FHIT: variants seen among roughly 807,000 people sequenced by gnomAD.
The protein encoded by FHIT is fragile histidine triad diadenosine triphosphatase.
A neutral mutation model predicts 17.9 loss-of-function variants in FHIT; 19 were observed. The ratio of observed to expected loss-of-function variants is 1.06; its 90% confidence interval spans 0.74 to 1.56. The LOEUF is 1.56. FHIT is among the 40% of genes most tolerant of loss of function. The probability of loss-of-function intolerance (pLI) is 0.00; values close to 1 mark genes in which losing one functional copy is unlikely to be tolerated. For synonymous variants in FHIT, 81 were observed against 69.7 expected (o/e 1.16, Z -0.81); for missense variants, 248 against 189.2 (o/e 1.31, Z -1.82).
At chr3:60,114,606 G>T (rs1466404932) in intron 5 of FHIT, among the ~76,000 whole-genome samples, 1 of 140,056 alleles carries the variant, frequency 7.1e-6, no homozygotes, top group Non-Finnish European at 1.5e-5. Flanking sequence ...TCATCCTCCC[G>T]CCTCAGCCTC....
chr3:60,653,275 A>G (rs1224952917), intron 4 of FHIT, among the ~76,000 whole-genome samples: 1 of 152,212 alleles, frequency 6.6e-6, no homozygotes, highest in Non-Finnish European at 1.5e-5. Flanking sequence ...TTTGGTAACT[A>G]CAAAACAAAA....
intron 5 of FHIT, among the ~76,000 whole-genome samples, chr3:60,485,357 T>C (rs2033792353): frequency 6.6e-6 from 1 of 152,202 alleles, no homozygotes. Context: ...TGCACACTTA[T>C]GTTTAGTGCA....
intron 5 of FHIT, among the ~76,000 whole-genome samples, chr3:60,136,952 T>A (rs377693266): frequency 6.6e-6 from 1 of 152,214 alleles, no homozygotes; most frequent in East Asian, 1.9e-4. Flanking sequence ...ATCTCCTTGG[T>A]TTAATATTTC....
intron 3 of FHIT, among the ~76,000 whole-genome samples, chr3:60,966,976 T>C (rs1246976511): frequency 6.6e-6 from 1 of 152,234 alleles, no homozygotes; most frequent in Non-Finnish European, 1.5e-5. Context: ...TCAAAAACTG[T>C]CATGGTTCTT....
intron 4 of FHIT, among the ~76,000 whole-genome samples, chr3:60,789,481 G>A (rs4974229): frequency 0.12 from 18,368 of 152,128 alleles, 1,529 homozygotes; most frequent in African/African-American, 0.23. Flanking sequence ...TTGTGCCACT[G>A]CACTCCAGCC....
chr3:60,781,651 A>G (rs532540328), intron 4 of FHIT, among the ~76,000 whole-genome samples: 3 of 152,220 alleles, frequency 2.0e-5, no homozygotes, highest in Admixed American at 2.0e-4. Context: ...AGCTCTCTCT[A>G]CTTTGCTAAG....
chr3:60,852,596 C>G (rs1703195946), intron 3 of FHIT, among the ~76,000 whole-genome samples: 1 of 152,058 alleles, frequency 6.6e-6, no homozygotes, highest in Non-Finnish European at 1.5e-5. Flanking sequence ...GTCATTCCAT[C>G]ACTCGCTCTA....
At chr3:61,081,805 A>G (rs1428000278) in intron 2 of FHIT, among the ~76,000 whole-genome samples, 2 of 152,228 alleles carry the variant, frequency 1.3e-5, no homozygotes, top group Non-Finnish European at 2.9e-5. Flanking sequence ...TTTCCAAATA[A>G]GGTCACATTC....
intron 8 of FHIT, among the ~76,000 whole-genome samples, chr3:59,760,130 G>GACTT (rs1477811290): frequency 3.3e-5 from 5 of 152,112 alleles, no homozygotes; most frequent in Non-Finnish European, 5.9e-5. Flanking sequence ...CCAAAGCTTT[G>GACTT]ACTTAAGCAT....
At chr3:60,382,626 C>T (rs938917377) in intron 5 of FHIT, among the ~76,000 whole-genome samples, 1 of 152,178 alleles carries the variant, frequency 6.6e-6, no homozygotes, top group Non-Finnish European at 1.5e-5. Flanking sequence ...AACTATGCCA[C>T]TGATAAAGCT....
chr3:60,365,918 C>G (rs1255444899), intron 5 of FHIT, among the ~76,000 whole-genome samples: 1 of 152,154 alleles, frequency 6.6e-6, no homozygotes. Context: ...CAGCATGTAA[C>G]ATTCATAGAT....
At chr3:61,174,759 C>A (rs1008704440) in intron 2 of FHIT, among the ~76,000 whole-genome samples, 1 of 152,146 alleles carries the variant, frequency 6.6e-6, no homozygotes, top group Non-Finnish European at 1.5e-5. Flanking sequence ...ATTTCAAATG[C>A]CTTGAAAATG....
chr3:60,478,651 C>G (rs925693584), intron 5 of FHIT, among the ~76,000 whole-genome samples: 1 of 152,130 alleles, frequency 6.6e-6, no homozygotes, highest in East Asian at 1.9e-4. Flanking sequence ...ATTTATGTGC[C>G]AGGCATTATG....
chr3:60,589,176 T>C (rs1553663233), intron 4 of FHIT, among the ~76,000 whole-genome samples: 1 of 151,920 alleles, frequency 6.6e-6, no homozygotes, highest in Admixed American at 6.6e-5. Flanking sequence ...CCTTTTTATA[T>C]AGAGAGAGAA....
chr3:60,358,190 A>G (rs1056064047), intron 5 of FHIT, among the ~76,000 whole-genome samples: 1 of 152,248 alleles, frequency 6.6e-6, no homozygotes, highest in African/African-American at 2.4e-5. Context: ...CACCCTCAAC[A>G]TAACAAGCAC....
At chr3:61,203,595 G>T (rs374740897) in intron 1 of FHIT, among the ~76,000 whole-genome samples, 2 of 152,056 alleles carry the variant, frequency 1.3e-5, no homozygotes, top group East Asian at 1.9e-4. Context: ...TGGTAAATCT[G>T]GTAACTTTAA....
intron 3 of FHIT, among the ~76,000 whole-genome samples, chr3:60,900,837 G>A (rs142713298): frequency 6.6e-6 from 1 of 151,948 alleles, no homozygotes; most frequent in African/African-American, 2.4e-5. Flanking sequence ...GAGTGCAGTC[G>A]TGCGATCTCA....
intron 5 of FHIT, among the ~76,000 whole-genome samples, chr3:60,043,376 C>T (rs1038626413): frequency 1.1e-4 from 17 of 152,176 alleles, no homozygotes; most frequent in African/African-American, 3.4e-4. Context: ...CTATTTTCTA[C>T]GAACTGTACT....
At chr3:60,508,612 T>C (rs1437687572) in intron 5 of FHIT, among the ~76,000 whole-genome samples, 1 of 152,060 alleles carries the variant, frequency 6.6e-6, no homozygotes, top group Non-Finnish European at 1.5e-5. Context: ...TTGGAAAAGG[T>C]GAAAACAAAA....
Sources: allele counts gnomAD v4.1 joint callset (sites outside exome capture counted in the v4.1 genomes callset), GRCh38; gene constraint gnomAD v4.1.1; transcripts MANE v1.5; gene names NCBI Gene and HGNC (gene_info 2026-07-23, HGNC 2026-07-21).